Variants in DUSP16 observed in about 807,000 individuals in gnomAD.
DUSP16 encodes the protein dual specificity protein phosphatase 16.
DUSP16 carries 21 observed loss-of-function variants against 58.3 expected under a neutral mutation model. That is an observed-to-expected ratio of 0.36 (90% CI 0.26 to 0.52). The LOEUF (loss-of-function observed/expected upper bound fraction) is 0.52, where lower values mean the gene tolerates loss of function less well. Ranked by LOEUF, DUSP16 falls within the 20% of genes least tolerant of loss-of-function variation. DUSP16 has a pLI of 0.94. For missense variants in DUSP16, 726 were observed against 819.0 expected (o/e 0.89, Z 1.39); for synonymous variants, 320 against 323.8 (o/e 0.99, Z 0.12).
rs555369093 is a variant in DUSP16, at chr12:12,486,941, T to C, written c.691+87A>G. 186 of 1,509,068 alleles carry C rather than the reference T, an allele frequency of 1.2e-4. No individual in the cohort carries two copies. In the African/African-American group the frequency reaches 2.4e-3, roughly 19 times the overall value. The allele number at this position is 1,509,068 out of a possible 1,614,324, so 93.5% of individuals were successfully genotyped here. A position where few individuals can be genotyped will look rare whatever the true frequency, so the allele number is the denominator to read the frequency against. ...AAATCTCTGAAATAGGCTCCTTTTC[T>C]CTAAAGAAAAAATGGGGGGCTGAGG... On this transcript the variant is annotated intron_variant, in intron 5 of 6. Transcript: ENST00000298573.
chr12:12,535,317 G>T (rs778649967), intron 1 of DUSP16, among the ~76,000 whole-genome samples: 4 of 152,128 alleles, frequency 2.6e-5, no homozygotes, highest in Non-Finnish European at 5.9e-5. Context: ...TCCCATAGAA[G>T]AAGATAAATA....
chr12:12,498,624 T>C (rs1558822), intron 4 of DUSP16, among the ~76,000 whole-genome samples: 81,443 of 151,694 alleles, frequency 0.54, 22,224 homozygotes, highest in East Asian at 0.71. Context: ...CACGTTGTCC[T>C]GGCTGTTCTC....
chr12:12,517,707 A>G (rs1280547807), intron 3 of DUSP16, among the ~76,000 whole-genome samples: 1 of 152,190 alleles, frequency 6.6e-6, no homozygotes, highest in Admixed American at 6.5e-5. Flanking sequence ...ATTCCCAAAC[A>G]AGCAATTCAG....
At chr12:12,502,211 C>T (rs11054938) in intron 3 of DUSP16, among the ~76,000 whole-genome samples, 10,936 of 152,164 alleles carry the variant, frequency 0.072, 838 homozygotes, top group East Asian at 0.39. Flanking sequence ...AGGGAATCAT[C>T]TTTCATTATG....
intron 1 of DUSP16, chr12:12,554,412 C>G (rs1219350805): frequency 6.6e-6 from 1 of 152,034 alleles, no homozygotes; most frequent in Non-Finnish European, 1.5e-5. Flanking sequence ...CCCAACCCAA[C>G]AACACAATTT....
At chr12:12,501,041 A>G (rs1943901743) in intron 3 of DUSP16, among the ~76,000 whole-genome samples, 2 of 152,262 alleles carry the variant, frequency 1.3e-5, no homozygotes, top group Non-Finnish European at 2.9e-5. Flanking sequence ...AACCAAGCCA[A>G]TAATTCACAG....
At chr12:12,502,034 T>G (rs529084407) in intron 3 of DUSP16, among the ~76,000 whole-genome samples, 1 of 152,124 alleles carries the variant, frequency 6.6e-6, no homozygotes, top group East Asian at 1.9e-4. Flanking sequence ...ACATGTTAAG[T>G]CTTATTAGAA....
chr12:12,524,300 G>A (rs1592193736), intron 1 of DUSP16, among the ~76,000 whole-genome samples: 1 of 152,206 alleles, frequency 6.6e-6, no homozygotes, highest in South Asian at 2.1e-4. Flanking sequence ...AGTGAAGTGA[G>A]GGTGAAGTTC....
chr12:12,483,940 C>T (rs1458032621), intron 5 of DUSP16, among the ~76,000 whole-genome samples: 2 of 147,606 alleles, frequency 1.4e-5, no homozygotes, highest in East Asian at 1.9e-4. Flanking sequence ...GCTTAAAACC[C>T]CACAGATCCC....
chr12:12,486,585 C>T (rs1057100842), intron 5 of DUSP16, among the ~76,000 whole-genome samples: 1 of 151,710 alleles, frequency 6.6e-6, no homozygotes, highest in African/African-American at 2.4e-5. Context: ...GAAACACTGA[C>T]ATAAAGACTT....
intron 5 of DUSP16, among the ~76,000 whole-genome samples, chr12:12,484,059 T>G (rs1271745613): frequency 6.6e-6 from 1 of 152,142 alleles, no homozygotes; most frequent in Non-Finnish European, 1.5e-5. Flanking sequence ...GCTCTTGCCA[T>G]TCTACTACTC....
chr12:12,528,130 C>T (rs1000360405), intron 1 of DUSP16, among the ~76,000 whole-genome samples: 6 of 152,170 alleles, frequency 3.9e-5, no homozygotes, highest in Non-Finnish European at 7.4e-5. Flanking sequence ...TCACCCGCTT[C>T]CCCTTCCCTG....
intron 3 of DUSP16, among the ~76,000 whole-genome samples, chr12:12,510,148 A>G (rs1944054395): frequency 6.6e-6 from 1 of 152,122 alleles, no homozygotes; most frequent in Non-Finnish European, 1.5e-5. Flanking sequence ...TCCATGGCTC[A>G]GGGAATCAGG....
At chr12:12,523,819 G>A (rs1056862992) in intron 1 of DUSP16, among the ~76,000 whole-genome samples, 4 of 152,182 alleles carry the variant, frequency 2.6e-5, no homozygotes, top group African/African-American at 9.7e-5. Flanking sequence ...CTACTGGGTT[G>A]CCCTGTTTTC....
intron 3 of DUSP16, among the ~76,000 whole-genome samples, chr12:12,514,049 A>G (rs532399706): frequency 2.0e-5 from 3 of 152,202 alleles, no homozygotes; most frequent in East Asian, 1.9e-4. Flanking sequence ...ACTCATACTG[A>G]TAAGTTTCTT....
intron 1 of DUSP16, among the ~76,000 whole-genome samples, chr12:12,545,447 T>TC (rs1944627379): frequency 6.7e-6 from 1 of 150,184 alleles, no homozygotes; most frequent in Admixed American, 6.6e-5. Flanking sequence ...GTGTACTTTT[T>TC]TTTTTTTTTT....
intron 1 of DUSP16, among the ~76,000 whole-genome samples, chr12:12,542,877 G>C (rs1358580950): frequency 6.6e-6 from 1 of 152,098 alleles, no homozygotes; most frequent in African/African-American, 2.4e-5. Context: ...GGGGCCTTTA[G>C]AGGGTAATTA....
chr12:12,547,129 T>C (rs1303773209), intron 1 of DUSP16, among the ~76,000 whole-genome samples: 3 of 152,200 alleles, frequency 2.0e-5, no homozygotes, highest in African/African-American at 7.2e-5. Context: ...GTTTGCTCTA[T>C]GTATTTAAAA....
At chr12:12,518,512 C>CAAAAAA (rs879763438) in intron 3 of DUSP16, among the ~76,000 whole-genome samples, 1 of 120,408 alleles carries the variant, frequency 8.3e-6, no homozygotes, top group African/African-American at 3.1e-5. Context: ...AATTCTGTCT[C>CAAAAAA]AAAAAAAAAA....
Sources: allele counts gnomAD v4.1 joint callset (sites outside exome capture counted in the v4.1 genomes callset), GRCh38; gene constraint gnomAD v4.1.1; transcripts MANE v1.5; gene names NCBI Gene and HGNC (gene_info 2026-07-23, HGNC 2026-07-21).